TOR3A: variants seen among roughly 807,000 people sequenced by gnomAD.
TOR3A encodes the protein torsin family 3 member A.
Under a neutral mutation model 42.1 loss-of-function variants are expected in TOR3A, and 44 were observed. The observed-to-expected ratio is 1.04, with a 90% CI of 0.82 to 1.34. The LOEUF is 1.34. Ranked by LOEUF, TOR3A falls within the 40% of genes most tolerant of loss-of-function variation. The pLI, the probability that TOR3A is intolerant of heterozygous loss-of-function variation, is 0.00. For synonymous variants in TOR3A, 227 were observed against 213.2 expected, an observed-to-expected ratio of 1.06 and a Z score of -0.57; for missense variants, 521 against 507.6, an observed-to-expected ratio of 1.03 and a Z score of -0.25.
rs540521202 is a variant in TOR3A at position 179,095,066 on chromosome 1, C to A, written c.1042C>A (p.Arg348=). The change falls in exon 6 of 6, where the codon CGG becomes AGG. Residue 348 remains arginine, a synonymous_variant. Transcript: ENST00000367627. Reference sequence around the variant, plus strand: ...GTACCGTCACGTGAGGCTGTGTGCACGGGATGCCTTCCTGAGCCAGGAGCT... The same window carrying A: ...GTACCGTCACGTGAGGCTGTGTGCAAGGGATGCCTTCCTGAGCCAGGAGCT... ...LEYRHVRLCA[R]DAFLSQELLY... 6.2e-7 allele frequency: 1 copy of A among 1,614,160 alleles called. No individual in the cohort carries two copies. Among genetic ancestry groups the A allele is most frequent in the Admixed American group, 1.7e-5 (1 of 60,018 alleles).
rs1168754328 is a variant in TOR3A at position 179,095,777 on chromosome 1, A to C, written c.*559A>C. ...TTTCAAATTGGTACTTCCAGAGGAA[A>C]GCCAAGCTGCTTCTGTTGTGAGCGA... On this transcript the variant is annotated 3_prime_UTR_variant, in exon 6 of 6. Transcript: ENST00000367627. The C allele has an allele frequency of 7.1e-6, 7 of 989,012 alleles. No homozygotes were observed. Among genetic ancestry groups the C allele is most frequent in the Non-Finnish European group, 8.4e-6 (7 of 832,430 alleles). 61.3% of individuals were successfully genotyped at this position (989,012 alleles called of 1,614,324 possible). A position where few individuals can be genotyped will look rare whatever the true frequency, so the allele number is the denominator to read the frequency against.
chr1:179,091,233 G>A (rs531836103), intron 4 of TOR3A, among the ~76,000 whole-genome samples: 1 of 152,270 alleles, frequency 6.6e-6, no homozygotes, highest in African/African-American at 2.4e-5. Context: ...CTGGAGACGG[G>A]GGATGAGGGC....
chr1:179,090,015 C>A (rs1652536175), intron 4 of TOR3A, among the ~76,000 whole-genome samples: 1 of 151,846 alleles, frequency 6.6e-6, no homozygotes, highest in South Asian at 2.1e-4. Context: ...AGTATTTTGG[C>A]CGTCGACCTG....
In TOR3A at chr1:179,082,790, G is replaced by A. The variant is rs926025466; in HGVS notation, c.260-150G>A. On this transcript the variant is annotated intron_variant, in intron 1 of 5. Transcript: ENST00000367627. ...CTTGCTGCTTTTGGACGCAGGGCTTGAGGACCGACAGTGGGCCGAGTCGGG... is the reference window on the plus strand; with the variant it reads ...CTTGCTGCTTTTGGACGCAGGGCTTAAGGACCGACAGTGGGCCGAGTCGGG... The A allele has an allele frequency of 2.1e-5, 15 of 717,258 alleles. No homozygotes were observed. The South Asian group carries it at 2.2e-4, about 11-fold the overall frequency. 44.4% of individuals were successfully genotyped at this position (717,258 alleles called of 1,614,324 possible). A position where few individuals can be genotyped will look rare whatever the true frequency, so the allele number is the denominator to read the frequency against.
chr1:179,089,712 G>A (rs1274482979), intron 4 of TOR3A, among the ~76,000 whole-genome samples: 3 of 152,150 alleles, frequency 2.0e-5, no homozygotes, highest in Admixed American at 6.5e-5. Flanking sequence ...GCCCTGGGTC[G>A]GGCAGTCCAG....
At chr1:179,090,137 G>A (rs955704731) in intron 4 of TOR3A, among the ~76,000 whole-genome samples, 10 of 151,850 alleles carry the variant, frequency 6.6e-5, no homozygotes, top group Non-Finnish European at 8.8e-5. Context: ...CGGGAAAGCC[G>A]CCTGCCAGAC....
At position 179,083,178 on chromosome 1, in the gene TOR3A, A is replaced by G. The variant is rs1359158530; in HGVS notation, c.373+125A>G. 9.1e-6 allele frequency: 5 copies of G among 549,846 alleles called. No homozygotes were observed. In the Admixed American group the frequency reaches 1.1e-4, roughly 12 times the overall value. 34.1% of individuals were successfully genotyped at this position (549,846 alleles called of 1,614,324 possible). A position where few individuals can be genotyped will look rare whatever the true frequency, so the allele number is the denominator to read the frequency against. The stretch of plus-strand genomic sequence containing the variant: ...AGCCTCCCGACAAGCAGGAACTGCC[A>G]CAGTCTGACTGAAGTTTTGAGGGAG... On this transcript the variant is annotated intron_variant, in intron 2 of 5. Coordinates refer to ENST00000367627, the MANE Select transcript of TOR3A (RefSeq NM_022371.4).
At chr1:179,092,248 A>G (rs1425826045) in intron 4 of TOR3A, among the ~76,000 whole-genome samples, 1 of 152,228 alleles carries the variant, frequency 6.6e-6, no homozygotes, top group East Asian at 1.9e-4. Context: ...CATGGAGCCT[A>G]GTCAACAGGG....
At position 179,082,933 on chromosome 1, in the gene TOR3A, T is replaced by C; in HGVS notation, c.260-7T>C. ...TCCTCTCGGTCTCACAGCTCCTCCT[T>C]TTCCAGGCTGGCGCCTTCCTCTGTT... is the stretch of plus-strand genomic sequence containing the variant. On this transcript the variant is annotated splice_region_variant and splice_polypyrimidine_tract_variant and intron_variant, in intron 1 of 5. Coordinates refer to ENST00000367627, the MANE Select transcript of TOR3A (RefSeq NM_022371.4). 6.4e-7 allele frequency: 1 copy of C among 1,556,068 alleles called. No individual in the cohort carries two copies. Among genetic ancestry groups the C allele is most frequent in the Non-Finnish European group, 8.7e-7 (1 of 1,149,734 alleles).
At chr1:179,093,991 C>A in intron 4 of TOR3A, 102 bp from the exon 5 acceptor site, 1 of 1,435,964 alleles carries the variant, frequency 7.0e-7, no homozygotes, top group South Asian at 1.3e-5. Flanking sequence ...CGCCCCTCAG[C>A]CTCTATTCTT....
chr1:179,082,744 T>C (rs1652325635), intron 1 of TOR3A, 196 bp from the exon 2 acceptor site: 3 of 704,122 alleles, frequency 4.3e-6, no homozygotes, highest in East Asian at 2.7e-5. Flanking sequence ...GCTGTGGACA[T>C]GCCTGGTGAC....
rs568770913 is a variant in TOR3A at position 179,089,268 on chromosome 1, C to CTGAG, written c.818+1180_818+1183dup. 3.3e-5 allele frequency among the ~76,000 whole-genome samples: 5 copies of CTGAG among 150,450 alleles called. No homozygotes were observed. In the South Asian group the frequency reaches 1.0e-3, roughly 31 times the overall value. ...CCTGGGAGGCAGAGGTTGCAGTGAG[C>CTGAG]TGAGATCACACCATTGCACTCCCGC... On this transcript the variant is annotated intron_variant, in intron 4 of 5. Transcript: ENST00000367627.
rs879915412 is a variant in TOR3A at position 179,095,404 on chromosome 1, CTTTT to C, written c.*191_*194del. 13 of 1,339,248 alleles carry C rather than the reference CTTTT, an allele frequency of 9.7e-6. No individual in the cohort carries two copies. Among genetic ancestry groups the C allele is most frequent in the Non-Finnish European group, 1.1e-5 (12 of 1,046,026 alleles). The allele number at this position is 1,339,248 out of a possible 1,614,324, so 83.0% of individuals were successfully genotyped here. Reference sequence around the variant, plus strand: ...ATTAGAAGCCAAGCCAATCCTTTTTCTTTTTTTTGGAGGTCCCACCGAGATAGAT... The same window carrying C: ...ATTAGAAGCCAAGCCAATCCTTTTTCTTTTGGAGGTCCCACCGAGATAGAT... On this transcript the variant is annotated 3_prime_UTR_variant, in exon 6 of 6. Transcript: ENST00000367627.
Position 179,083,631 on chromosome 1 carries a change from G to T in TOR3A, c.373+578G>T, listed in dbSNP as rs1490711645. 2.7e-5 allele frequency among the ~76,000 whole-genome samples: 4 copies of T among 146,516 alleles called. No homozygotes were observed. The East Asian group carries it at 8.4e-4, about 31-fold the overall frequency. ...TCACCATGTTGGCCAGGCCGGTCTC[G>T]AACTCCTGACCTTGTGATTTGCCTG... On this transcript the variant is annotated intron_variant, in intron 2 of 5. Transcript: ENST00000367627.
chr1:179,082,406 G>A lies in TOR3A; in HGVS notation c.259+19G>A, dbSNP rs1216714493. On this transcript the variant is annotated intron_variant, in intron 1 of 5. Coordinates refer to ENST00000367627, the MANE Select transcript of TOR3A (RefSeq NM_022371.4). ...CCCCTGGGTAAGACCCCGTCCCCAC[G>A]GTCCGCCGTTCGCTGCGGAGCAGAG... 3 of 1,586,978 alleles carry A rather than the reference G, an allele frequency of 1.9e-6. No individual in the cohort carries two copies. Among genetic ancestry groups the A allele is most frequent in the Admixed American group, 1.8e-5 (1 of 55,884 alleles).
chr1:179,088,214 A>G (rs1652488417), intron 4 of TOR3A, 125 bp downstream of exon 4: 2 of 1,099,050 alleles, frequency 1.8e-6, no homozygotes, highest in Non-Finnish European at 2.5e-6. Flanking sequence ...AAACTCTGGT[A>G]CAGAAAGCAG....
intron 3 of TOR3A, among the ~76,000 whole-genome samples, chr1:179,086,643 G>T (rs1352084131): frequency 6.8e-6 from 1 of 146,244 alleles, no homozygotes; most frequent in Non-Finnish European, 1.5e-5. Flanking sequence ...TCCAGCCTGG[G>T]CAACAGAGCA....
rs1001760032 is a variant in TOR3A at position 179,082,279 on chromosome 1, C to A, written c.151C>A (p.Gln51Lys). The A allele has an allele frequency of 6.4e-7, 1 of 1,570,692 alleles. No individual in the cohort carries two copies. ...AWPGFQRLQEQLRAAGALSKR... is the reference protein window; with the variant it reads ...AWPGFQRLQEKLRAAGALSKR... ...GCCGGGCTTCCAGCGCCTGCAGGAG[C>A]AGCTCAGGGCGGCGGGTGCCCTCTC... The change falls in exon 1 of 6, where the codon CAG becomes AAG. Residue 51 changes from glutamine (Q) to lysine (K), a missense_variant. Transcript: ENST00000367627.
Position 179,088,041 on chromosome 1 carries a change from C to T in TOR3A, c.770C>T (p.Pro257Leu), listed in dbSNP as rs1244810110. The change falls in exon 4 of 6, where the codon CCT becomes CTT. Residue 257 changes from proline to leucine, a missense_variant. Pro to Leu is a moderately conservative substitution (Grantham distance 98). Transcript: ENST00000367627. ...GGGCCACACTTAGAACGCCGGGCCC[C>T]TGAGGGCCACAGGGCTGAGTCTCCA... Reference protein sequence around the residue: ...VLGPHLERRAPEGHRAESPWT... With the variant: ...VLGPHLERRALEGHRAESPWT... The T allele has an allele frequency of 6.2e-7, 1 of 1,612,708 alleles. No individual in the cohort carries two copies. Among genetic ancestry groups the T allele is most frequent in the East Asian group, 2.2e-5 (1 of 44,816 alleles).
Sources: gnomAD v4.1 joint callset for allele counts (sites outside exome capture counted in the v4.1 genomes callset) on GRCh38, gnomAD v4.1.1 for gene constraint, MANE v1.5 for transcripts, NCBI Gene and HGNC (gene_info 2026-07-23, HGNC 2026-07-21) for gene names.